PPP3CA: variants seen among roughly 807,000 people sequenced by gnomAD.
PPP3CA encodes protein phosphatase 3 catalytic subunit alpha, also known as CAM-PRP catalytic subunit.
In PPP3CA, 14 loss-of-function variants were observed where a neutral mutation model predicts 66.5. That is an observed-to-expected ratio of 0.21 (90% confidence interval 0.14 to 0.33). PPP3CA has a LOEUF of 0.33. Ranked by LOEUF, PPP3CA falls within the 10% of genes least tolerant of loss-of-function variation. The pLI is 1.00. For synonymous variants in PPP3CA, 232 were observed against 226.2 expected, an observed-to-expected ratio of 1.03 and a Z score of -0.23; for missense variants, 317 against 639.5, an observed-to-expected ratio of 0.50 and a Z score of 5.44.
At chr4:101,278,925 C>T (rs1727596514) in intron 1 of PPP3CA, among the ~76,000 whole-genome samples, 1 of 152,170 alleles carries the variant, frequency 6.6e-6, no homozygotes, top group Non-Finnish European at 1.5e-5. Flanking sequence ...ACACTATATT[C>T]TATGCAGGCC....
At chr4:101,114,879 C>T (rs1035534877) in intron 2 of PPP3CA, among the ~76,000 whole-genome samples, 1 of 151,942 alleles carries the variant, frequency 6.6e-6, no homozygotes, top group Non-Finnish European at 1.5e-5. Context: ...GGAAGAGCTT[C>T]CCCCAACCCC....
At chr4:101,095,428 A>G (rs758716583) in intron 5 of PPP3CA, among the ~76,000 whole-genome samples, 2 of 152,202 alleles carry the variant, frequency 1.3e-5, no homozygotes, top group Non-Finnish European at 2.9e-5. Flanking sequence ...ATACAAAAAA[A>G]CTTGATATAT....
At chr4:101,301,788 G>A (rs1215871959) in intron 1 of PPP3CA, among the ~76,000 whole-genome samples, 1 of 148,636 alleles carries the variant, frequency 6.7e-6, no homozygotes, top group Non-Finnish European at 1.5e-5. Context: ...ACCGCGTCCA[G>A]CTTTTAAAGC....
intron 1 of PPP3CA, among the ~76,000 whole-genome samples, chr4:101,337,494 G>C (rs1466749183): frequency 6.6e-6 from 1 of 152,212 alleles, no homozygotes; most frequent in Non-Finnish European, 1.5e-5. Context: ...TACTCAGGGA[G>C]AATTCTGACC....
intron 13 of PPP3CA, among the ~76,000 whole-genome samples, chr4:101,027,257 G>A (rs1485466277): frequency 1.4e-5 from 2 of 139,174 alleles, no homozygotes; most frequent in African/African-American, 2.8e-5. Flanking sequence ...ACCTTATTTG[G>A]GGGGGAAAAA....
intron 10 of PPP3CA, among the ~76,000 whole-genome samples, chr4:101,057,670 G>A (rs1444078115): frequency 6.6e-6 from 1 of 152,176 alleles, no homozygotes; most frequent in Non-Finnish European, 1.5e-5. Context: ...TTAGAAAGGA[G>A]AAAACTATTC....
intron 2 of PPP3CA, among the ~76,000 whole-genome samples, chr4:101,133,395 G>A (rs1212573533): frequency 6.6e-6 from 1 of 152,126 alleles, no homozygotes; most frequent in Non-Finnish European, 1.5e-5. Flanking sequence ...AGCAACTTCA[G>A]CAAAGTCTCA....
At chr4:101,343,271 T>C (rs534132742) in intron 1 of PPP3CA, among the ~76,000 whole-genome samples, 86 of 152,284 alleles carry the variant, frequency 5.6e-4, no homozygotes, top group Admixed American at 1.4e-3. Flanking sequence ...CATTATCACA[T>C]AGGGTTTAAT....
intron 1 of PPP3CA, among the ~76,000 whole-genome samples, chr4:101,196,496 C>T (rs1218958560): frequency 3.3e-5 from 5 of 152,188 alleles, no homozygotes; most frequent in African/African-American, 4.8e-5. Context: ...TGGGTCTCCA[C>T]TAGAAAACAG....
intron 1 of PPP3CA, among the ~76,000 whole-genome samples, chr4:101,336,657 T>C (rs1729644134): frequency 6.6e-6 from 1 of 151,792 alleles, no homozygotes; most frequent in South Asian, 2.1e-4. Flanking sequence ...ACTTATTCTA[T>C]GGAATTCTGT....
intron 5 of PPP3CA, among the ~76,000 whole-genome samples, chr4:101,094,914 T>C (rs952362153): frequency 6.6e-5 from 10 of 152,154 alleles, no homozygotes; most frequent in African/African-American, 9.6e-5. Context: ...ATTCTTCATA[T>C]TGATATTTTT....
chr4:101,101,643 T>G (rs1230948492), intron 3 of PPP3CA, among the ~76,000 whole-genome samples: 4 of 152,124 alleles, frequency 2.6e-5, no homozygotes, highest in Non-Finnish European at 5.9e-5. Context: ...AGTTTTTTTT[T>G]TCTTTAAGAG....
chr4:101,205,112 T>C (rs553127521), intron 1 of PPP3CA, among the ~76,000 whole-genome samples: 65 of 152,020 alleles, frequency 4.3e-4, no homozygotes, highest in African/African-American at 1.4e-3. Flanking sequence ...TATACATTTA[T>C]TTTTTGGCCT....
intron 2 of PPP3CA, among the ~76,000 whole-genome samples, chr4:101,168,139 G>C (rs1413868034): frequency 2.0e-5 from 3 of 152,188 alleles, no homozygotes; most frequent in Non-Finnish European, 4.4e-5. Context: ...GGCTAGTGCA[G>C]ACAGGGAATG....
intron 2 of PPP3CA, among the ~76,000 whole-genome samples, chr4:101,135,557 T>C (rs926115714): frequency 6.6e-6 from 1 of 152,200 alleles, no homozygotes; most frequent in African/African-American, 2.4e-5. Flanking sequence ...GAGGCTTTCA[T>C]GCATGAGGCA....
intron 9 of PPP3CA, 124 bp downstream of exon 9, chr4:101,063,108 T>C: frequency 8.0e-7 from 1 of 1,245,648 alleles, no homozygotes; most frequent in Non-Finnish European, 1.1e-6. Context: ...AAATCACATC[T>C]TTCATTGTAC....
intron 1 of PPP3CA, among the ~76,000 whole-genome samples, chr4:101,251,420 G>C (rs543842287): frequency 1.3e-5 from 2 of 151,324 alleles, no homozygotes. Flanking sequence ...TGACTGACAC[G>C]CAGTATTCTT....
At chr4:101,173,365 G>C (rs1029078982) in intron 2 of PPP3CA, among the ~76,000 whole-genome samples, 10 of 151,566 alleles carry the variant, frequency 6.6e-5, no homozygotes, top group Non-Finnish European at 1.0e-4. Flanking sequence ...TTCACAATTT[G>C]AGTGCTAAGG....
intron 1 of PPP3CA, among the ~76,000 whole-genome samples, chr4:101,284,132 T>C (rs559101025): frequency 6.6e-6 from 1 of 152,294 alleles, no homozygotes; most frequent in African/African-American, 2.4e-5. Flanking sequence ...ATAAATTTCC[T>C]CTTTTCGTAA....
Sources: allele counts gnomAD v4.1 joint callset (sites outside exome capture counted in the v4.1 genomes callset), GRCh38; gene constraint gnomAD v4.1.1; transcripts MANE v1.5; gene names NCBI Gene and HGNC (gene_info 2026-07-23, HGNC 2026-07-21).